The following TRMT44 variants were observed in gnomAD, a reference collection of about 807,000 sequenced individuals.
TRMT44 encodes the protein probable tRNA (uracil-O(2)-)-methyltransferase.
A neutral mutation model predicts 77.3 loss-of-function variants in TRMT44; 78 were observed. That is an observed-to-expected ratio of 1.01 (90% CI 0.84 to 1.22). TRMT44 has a LOEUF of 1.22. Among genes scored for constraint, TRMT44 ranks in the 50% most tolerant of loss-of-function variants. TRMT44 has a pLI of 0.00. For synonymous variants in TRMT44, 391 were observed against 383.3 expected, an observed-to-expected ratio of 1.02 and a Z score of -0.23; for missense variants, 1,090 against 964.4, an observed-to-expected ratio of 1.13 and a Z score of -1.73.
the TRMT44 span, among the ~76,000 whole-genome samples, chr4:8,507,836 C>T: frequency 6.6e-6 from 1 of 152,178 alleles, no homozygotes; most frequent in South Asian, 2.1e-4. Flanking sequence ...GAGCCTTGAG[C>T]CCAGAAAGCC....
rs1010247017 is a variant in TRMT44 at position 8,483,426 on chromosome 4, G to C, written n.3891+3893G>C. 1.1e-4 allele frequency among the ~76,000 whole-genome samples: 16 copies of C among 151,656 alleles called. No homozygotes were observed. In the East Asian group the frequency reaches 2.9e-3, roughly 28 times the overall value. The stretch of plus-strand genomic sequence containing the variant: ...GGTTGACAAGTTTTTTTGGGGGGGG[G>C]CACGGTCTAAGTTGGTCTGGTGTCT... On this transcript the variant is annotated intron_variant and non_coding_transcript_variant, in intron 2 of 2. Coordinates refer to the TRMT44 transcript ENST00000511366.
rs540935559 is a variant in TRMT44 at position 8,449,847 on chromosome 4, G to A, written c.913G>A (p.Ala305Thr). ...SLISIMKYSK[A>T]YQELKEKYKE... ...CATCTCCATTATGAAGTATAGCAAG[G>A]CTTACCAGGAACTTAAAGAGAAGTA... Residue 305 changes from alanine (A) to threonine (T), a missense_variant, in exon 3 of 11, where the codon GCT (alanine) becomes ACT (threonine). Physicochemically the swap from Ala to Thr is moderately conservative, Grantham distance 58 (BLOSUM62 0). Transcript: ENST00000389737. 1.3e-6 allele frequency: 2 copies of A among 1,534,468 alleles called. No homozygotes were observed. Among genetic ancestry groups the A allele is most frequent in the Non-Finnish European group, 1.7e-6 (2 of 1,146,316 alleles).
At chr4:8,490,877 C>T (rs1727979837) in intron 2 of TRMT44, among the ~76,000 whole-genome samples, 1 of 152,168 alleles carries the variant, frequency 6.6e-6, no homozygotes, top group Admixed American at 6.5e-5. Context: ...CGTTTACAAT[C>T]CCTGAGCTAG....
the TRMT44 span, among the ~76,000 whole-genome samples, chr4:8,500,030 T>C: frequency 6.6e-6 from 1 of 152,160 alleles, no homozygotes; most frequent in African/African-American, 2.4e-5. Context: ...GAAGTTCAAA[T>C]CCAGCCTGGG....
At chr4:8,504,450 C>T in the TRMT44 span, among the ~76,000 whole-genome samples, 2 of 152,118 alleles carry the variant, frequency 1.3e-5, no homozygotes, top group African/African-American at 2.4e-5. This position sits in a 1 kb window ranked among gnomAD's most constrained non-coding sequence, Gnocchi z 5.3. Flanking sequence ...GCCAGCAGCT[C>T]CTGCCCCGCC....
In TRMT44 at chr4:8,463,061, G is replaced by A. The variant is rs186385522; in HGVS notation, c.1204-924G>A. Among the ~76,000 whole-genome samples, 247 of 152,328 alleles carry A rather than the reference G, an allele frequency of 1.6e-3. 1 individual carries two copies. Among genetic ancestry groups the A allele is most frequent in the Middle Eastern group, 0.01 (3 of 294 alleles). On this transcript the variant is annotated intron_variant, in intron 6 of 10. Transcript: ENST00000389737. ...TTTTAGTTTTTTACTTACCATGTCT[G>A]TAAAACATTCTTGTGTTATAGTTTT...
intron 6 of TRMT44, among the ~76,000 whole-genome samples, chr4:8,462,192 C>T (rs1426131393): frequency 6.6e-6 from 1 of 151,980 alleles, no homozygotes; most frequent in East Asian, 1.9e-4. Context: ...GGGCACATCA[C>T]CTGAGGTCGG....
At chr4:8,470,981 G>A (rs1726951015) in intron 9 of TRMT44, 103 bp from the exon 10 acceptor site, 11 of 755,498 alleles carry the variant, frequency 1.5e-5, no homozygotes, top group Admixed American at 8.9e-5. Flanking sequence ...AGTGCATAAC[G>A]CGTGTGAGTG....
At chr4:8,490,568 G>A (rs892540374) in intron 2 of TRMT44, among the ~76,000 whole-genome samples, 6 of 151,848 alleles carry the variant, frequency 4.0e-5, no homozygotes, top group East Asian at 1.9e-4. Flanking sequence ...TTAAGGCGGC[G>A]CGTCTGGAGT....
chr4:8,505,410 C>A, the TRMT44 span, among the ~76,000 whole-genome samples: 10 of 152,276 alleles, frequency 6.6e-5, no homozygotes, highest in Non-Finnish European at 1.2e-4. Context: ...CCCAGCTCTG[C>A]CACCTTGACC....
At chr4:8,515,230 G>T in the TRMT44 span, among the ~76,000 whole-genome samples, 1 of 152,188 alleles carries the variant, frequency 6.6e-6, no homozygotes, top group African/African-American at 2.4e-5. Flanking sequence ...GCCTCCCAAA[G>T]TGCTGGGATT....
In TRMT44 at chr4:8,444,991, A is replaced by G. The variant is rs1385968975; in HGVS notation, c.620-1485A>G. 6.6e-6 allele frequency among the ~76,000 whole-genome samples: 1 copy of G among 152,170 alleles called. No homozygotes were observed. The highest frequency in any genetic ancestry group is 1.5e-5 in the Non-Finnish European group (1 of 68,016). ...GAGGGAGAGGATGCTGCTGGCATCT[A>G]GTGGGTAGGGGCCAGGGCTTCTTAT... On this transcript the variant is annotated intron_variant, in intron 1 of 10. Coordinates refer to ENST00000389737, the MANE Select transcript of TRMT44 (RefSeq NM_152544.3). The surrounding 1 kb of genome is among the most constrained non-coding windows in gnomAD (Gnocchi z 4.0).
chr4:8,471,562 T>TA (rs1553861019), intron 10 of TRMT44, among the ~76,000 whole-genome samples: 1 of 152,240 alleles, frequency 6.6e-6, no homozygotes, highest in Non-Finnish European at 1.5e-5. Context: ...GCGTCATCTT[T>TA]AGCTGCTGCA....
At chr4:8,505,802 G>A in the TRMT44 span, among the ~76,000 whole-genome samples, 2 of 152,178 alleles carry the variant, frequency 1.3e-5, no homozygotes, top group African/African-American at 4.8e-5. Flanking sequence ...TCACAGGGGC[G>A]GTTTCCCCCA....
chr4:8,471,726 G>A (rs1727018814), intron 10 of TRMT44, among the ~76,000 whole-genome samples: 2 of 152,232 alleles, frequency 1.3e-5, no homozygotes, highest in African/African-American at 4.8e-5. Context: ...CCAACGCCCT[G>A]TGACTCCAGG....
chr4:8,445,580 C>T (rs1038458888), intron 1 of TRMT44, among the ~76,000 whole-genome samples: 1 of 152,370 alleles, frequency 6.6e-6, no homozygotes, highest in South Asian at 2.1e-4. Flanking sequence ...ATGGCACACT[C>T]CCTGACCTCC....
chr4:8,513,295 G>C, the TRMT44 span, among the ~76,000 whole-genome samples: 1 of 152,216 alleles, frequency 6.6e-6, no homozygotes, highest in Non-Finnish European at 1.5e-5. Flanking sequence ...CAGGCAAAAA[G>C]AGAGCTTGTG....
At chr4:8,512,016 CT>C in the TRMT44 span, 2 of 152,128 alleles carry the variant, frequency 1.3e-5, no homozygotes, top group African/African-American at 4.8e-5. Context: ...GTTGAATTTT[CT>C]TTTTAGTTTT....
intron 2 of TRMT44, among the ~76,000 whole-genome samples, chr4:8,484,464 C>CT (rs1254616938): frequency 6.6e-6 from 1 of 152,156 alleles, no homozygotes; most frequent in Non-Finnish European, 1.5e-5. Flanking sequence ...TTAAGGGCCT[C>CT]TAAAAGTATT....
Sources: allele counts gnomAD v4.1 joint callset (sites outside exome capture counted in the v4.1 genomes callset), GRCh38; gene constraint gnomAD v4.1.1; non-coding constraint Gnocchi (gnomAD v3.1); transcripts MANE v1.5; gene names NCBI Gene and HGNC (gene_info 2026-07-23, HGNC 2026-07-21).